The following GNAI1 variants were observed in gnomAD, a reference collection of about 807,000 sequenced individuals.
The protein encoded by GNAI1 is G protein subunit alpha i1.
A neutral mutation model predicts 38.9 loss-of-function variants in GNAI1; 11 were observed. The ratio of observed to expected loss-of-function variants is 0.28; its 90% CI spans 0.18 to 0.47. The LOEUF is 0.47. Among genes scored for constraint, GNAI1 ranks in the 20% least tolerant of loss-of-function variants. The pLI is 0.99. For synonymous variants in GNAI1, 166 were observed against 145.1 expected (o/e 1.14, Z -1.04); for missense variants, 317 against 436.9 (o/e 0.73, Z 2.45).
At chr7:80,176,036 A>C (rs906470321) in intron 1 of GNAI1, among the ~76,000 whole-genome samples, 50 of 152,256 alleles carry the variant, frequency 3.3e-4, no homozygotes, top group African/African-American at 1.1e-3. Context: ...TGCACCTGAG[A>C]TAGGCTGAAT....
At chr7:80,188,235 T>C (rs1007142867) in intron 1 of GNAI1, among the ~76,000 whole-genome samples, 8 of 152,336 alleles carry the variant, frequency 5.3e-5, no homozygotes, top group African/African-American at 1.4e-4. Context: ...TTCATGTGGC[T>C]TCTTGGTGCC....
intron 1 of GNAI1, among the ~76,000 whole-genome samples, chr7:80,140,348 C>G (rs768207723): frequency 1.3e-5 from 2 of 152,156 alleles, no homozygotes; most frequent in African/African-American, 4.8e-5. Flanking sequence ...GGAAACATGC[C>G]TATCTTACAG....
At chr7:80,185,597 T>A (rs778341957) in intron 1 of GNAI1, among the ~76,000 whole-genome samples, 2 of 152,120 alleles carry the variant, frequency 1.3e-5, no homozygotes, top group Non-Finnish European at 2.9e-5. Context: ...GCAGATAGAT[T>A]TGCGGTTTCC....
In GNAI1 at chr7:80,182,647, A is replaced by G. The variant is rs188690967; in HGVS notation, c.119-6304A>G. Reference sequence around the variant, plus strand: ...TAAAAACAAAATCTCCCAACCCAGGAATCCTCTTTACAAAAATAGCACAGA... The same window carrying G: ...TAAAAACAAAATCTCCCAACCCAGGGATCCTCTTTACAAAAATAGCACAGA... On this transcript the variant is annotated intron_variant, in intron 1 of 7. Coordinates refer to ENST00000649796, the MANE Select transcript of GNAI1 (RefSeq NM_002069.6). Among the ~76,000 whole-genome samples, 26 of 152,330 alleles carry G rather than the reference A, an allele frequency of 1.7e-4. No homozygotes were observed. The East Asian group carries it at 4.2e-3, about 25-fold the overall frequency.
At chr7:80,174,386 T>C (rs1287685291) in intron 1 of GNAI1, among the ~76,000 whole-genome samples, 1 of 151,662 alleles carries the variant, frequency 6.6e-6, no homozygotes, top group East Asian at 1.9e-4. Context: ...TAAACATATG[T>C]ATATATAGCT....
At chr7:80,139,075 A>G (rs1787476280) in intron 1 of GNAI1, among the ~76,000 whole-genome samples, 1 of 152,126 alleles carries the variant, frequency 6.6e-6, no homozygotes, top group Non-Finnish European at 1.5e-5. Context: ...CAAAAAGCCC[A>G]TTTCCTTGAA....
At chr7:80,217,246 T>TATGTATGAAACTGACTTCAG (rs1231493331) in intron 7 of GNAI1, 57 bp from the exon 8 acceptor site, 15 of 1,152,020 alleles carry the variant, frequency 1.3e-5, no homozygotes, top group South Asian at 4.8e-5. Context: ...GAATTCAGTA[T>TATGTATGAAACTGACTTCAG]TTTAAGCAGT....
intron 1 of GNAI1, among the ~76,000 whole-genome samples, chr7:80,161,170 G>A (rs1412443921): frequency 2.0e-5 from 3 of 152,260 alleles, no homozygotes; most frequent in East Asian, 1.9e-4. Flanking sequence ...CAAGGATATG[G>A]TTTGTGAGAA....
chr7:80,200,219 CG>C (rs991176904), intron 4 of GNAI1, among the ~76,000 whole-genome samples: 2 of 141,842 alleles, frequency 1.4e-5, no homozygotes, highest in Admixed American at 7.6e-5. Flanking sequence ...AGTTACTCAG[CG>C]GGGGCTGAGA....
At chr7:80,195,830 G>A (rs1032268170) in intron 3 of GNAI1, among the ~76,000 whole-genome samples, 5 of 151,386 alleles carry the variant, frequency 3.3e-5, no homozygotes, top group South Asian at 4.2e-4. Flanking sequence ...TTGTTTTTCA[G>A]GTGGCTTTGA....
Position 80,222,382 on chromosome 7 carries a change from ATTT to A in GNAI1, c.*4906_*4908del, listed in dbSNP as rs67345654. Reference sequence around the variant, plus strand: ...TGAAGGAGCTAGTTCTTCAAATTTAATTTTTTTTTTTTTTTTTTTCCTGAGACA... The same window carrying A: ...TGAAGGAGCTAGTTCTTCAAATTTAATTTTTTTTTTTTTTTTCCTGAGACA... On this transcript the variant is annotated 3_prime_UTR_variant, in exon 8 of 8. Coordinates refer to ENST00000649796, the MANE Select transcript of GNAI1 (RefSeq NM_002069.6). Among the ~76,000 whole-genome samples, 10 of 127,858 alleles carry A rather than the reference ATTT, an allele frequency of 7.8e-5. No individual in the cohort carries two copies. Among genetic ancestry groups the A allele is most frequent in the East Asian group, 4.5e-4 (2 of 4,420 alleles). The allele number at this position is 127,858 out of a possible 152,430, so 83.9% of individuals were successfully genotyped here. A position where few individuals can be genotyped will look rare whatever the true frequency, so the allele number is the denominator to read the frequency against.
chr7:80,205,190 T>C (rs1189012428), intron 5 of GNAI1, among the ~76,000 whole-genome samples: 2 of 152,148 alleles, frequency 1.3e-5, no homozygotes, highest in Non-Finnish European at 2.9e-5. Context: ...CACACAGTAT[T>C]AAAACCTATG....
In GNAI1 at chr7:80,217,500, C is replaced by A; in HGVS notation, c.*7C>A. 6.4e-7 allele frequency: 1 copy of A among 1,556,894 alleles called. No individual in the cohort carries two copies. Among genetic ancestry groups the A allele is most frequent in the Non-Finnish European group, 8.8e-7 (1 of 1,142,472 alleles). On this transcript the variant is annotated 3_prime_UTR_variant, in exon 8 of 8. Coordinates refer to ENST00000649796, the MANE Select transcript of GNAI1 (RefSeq NM_002069.6). ...AGATTGTGGTCTCTTTTAAGTTTTG[C>A]AGTTCATGGTAAAATGCATTTTCAA...
chr7:80,173,576 C>T (rs543940581), intron 1 of GNAI1, among the ~76,000 whole-genome samples: 2 of 152,200 alleles, frequency 1.3e-5, no homozygotes, highest in East Asian at 3.9e-4. Flanking sequence ...CTGCTATGCT[C>T]CCCAATTGGT....
chr7:80,146,324 C>T (rs1287318072), intron 1 of GNAI1, among the ~76,000 whole-genome samples: 2 of 152,160 alleles, frequency 1.3e-5, no homozygotes, highest in Admixed American at 6.5e-5. Context: ...CACTTGTACT[C>T]TTCCATTTTT....
rs1056183174 is a variant in GNAI1 at position 80,160,866 on chromosome 7, A to G, written c.118+25588A>G. 6.0e-5 allele frequency among the ~76,000 whole-genome samples: 9 copies of G among 150,614 alleles called. No homozygotes were observed. The South Asian group carries it at 6.3e-4, about 10-fold the overall frequency. ...ATTTGGTGCTAGTTCTAATTTTTAG[A>G]AAAAAAAATGTCCTGGTAACTAATG... is the stretch of plus-strand genomic sequence containing the variant. On this transcript the variant is annotated intron_variant, in intron 1 of 7. Transcript: ENST00000649796.
intron 1 of GNAI1, among the ~76,000 whole-genome samples, chr7:80,151,980 T>C (rs968337489): frequency 1.3e-5 from 2 of 152,234 alleles, no homozygotes; most frequent in South Asian, 2.1e-4. Context: ...AGCAAGAATA[T>C]GAAGTTGACA....
At chr7:80,210,406 A>T (rs184786931) in intron 5 of GNAI1, among the ~76,000 whole-genome samples, 1 of 152,182 alleles carries the variant, frequency 6.6e-6, no homozygotes, top group African/African-American at 2.4e-5. Flanking sequence ...TTTTTATGCA[A>T]ACCTACCCTA....
chr7:80,135,640 A>G (rs1787396314), intron 1 of GNAI1: 1 of 178,518 alleles, frequency 5.6e-6, no homozygotes, highest in Non-Finnish European at 1.0e-5. Context: ...CGGCTAGAAA[A>G]TGAAAACACC....
Sources: allele counts gnomAD v4.1 joint callset (sites outside exome capture counted in the v4.1 genomes callset), GRCh38; gene constraint gnomAD v4.1.1; transcripts MANE v1.5; gene names NCBI Gene and HGNC (gene_info 2026-07-23, HGNC 2026-07-21).